Variants in ZNF804A observed in about 807,000 individuals in gnomAD.
The protein encoded by ZNF804A is zinc finger protein 804A.
In ZNF804A, 2 loss-of-function variants were observed where a neutral mutation model predicts 16.5. The observed-to-expected ratio is 0.12, with a 90% CI of 0.05 to 0.38. The LOEUF is 0.38. Ranked by LOEUF, ZNF804A falls within the 10% of genes least tolerant of loss-of-function variation. The pLI is 0.99. For synonymous variants in ZNF804A, 534 were observed against 489.6 expected (o/e 1.09, Z -1.20); for missense variants, 1,473 against 1,390.7 (o/e 1.06, Z -0.94).
At chr2:184,815,401 A>G (rs1239992580) in intron 1 of ZNF804A, among the ~76,000 whole-genome samples, 3 of 151,892 alleles carry the variant, frequency 2.0e-5, no homozygotes, top group African/African-American at 7.2e-5. Context: ...AAATAAATAA[A>G]TTATATGAGG....
chr2:184,707,572 A>G (rs977519803), intron 1 of ZNF804A, among the ~76,000 whole-genome samples: 6 of 152,122 alleles, frequency 3.9e-5, no homozygotes, highest in African/African-American at 1.4e-4. Flanking sequence ...TTATTTGCTT[A>G]GGTTAATGGC....
At chr2:184,912,580 G>A (rs926390422) in intron 2 of ZNF804A, among the ~76,000 whole-genome samples, 31 of 151,970 alleles carry the variant, frequency 2.0e-4, no homozygotes, top group African/African-American at 2.4e-4. Flanking sequence ...ATTAACTAGC[G>A]TTTCAATTTC....
intron 1 of ZNF804A, among the ~76,000 whole-genome samples, chr2:184,845,332 A>T (rs1450717974): frequency 6.6e-6 from 1 of 152,134 alleles, no homozygotes; most frequent in Non-Finnish European, 1.5e-5. Context: ...TCAGTCTTTG[A>T]TAAAGATTAA....
chr2:184,845,909 T>G (rs2105801861), intron 1 of ZNF804A, among the ~76,000 whole-genome samples: 1 of 152,256 alleles, frequency 6.6e-6, no homozygotes, highest in East Asian at 1.9e-4. Flanking sequence ...AGTTCATGAC[T>G]CCAGCAGCTT....
intron 2 of ZNF804A, among the ~76,000 whole-genome samples, chr2:184,897,049 T>C (rs1216963539): frequency 1.3e-5 from 2 of 152,120 alleles, no homozygotes; most frequent in East Asian, 3.9e-4. Context: ...GTACTATCTT[T>C]TTAATATGTG....
At chr2:184,902,145 T>C (rs1317017889) in intron 2 of ZNF804A, 1 of 155,626 alleles carries the variant, frequency 6.4e-6, no homozygotes, top group African/African-American at 2.4e-5. Flanking sequence ...ATCCAAACAA[T>C]CATTGTCAGG....
At chr2:184,808,531 T>C (rs1265194042) in intron 1 of ZNF804A, among the ~76,000 whole-genome samples, 2 of 151,570 alleles carry the variant, frequency 1.3e-5, no homozygotes, top group Admixed American at 6.6e-5. Context: ...GAATAATACA[T>C]ATATGAAATT....
intron 1 of ZNF804A, among the ~76,000 whole-genome samples, chr2:184,840,646 C>A (rs966917564): frequency 5.3e-5 from 8 of 152,026 alleles, no homozygotes; most frequent in Admixed American, 6.6e-5. Context: ...TATTTACTGA[C>A]CCCCTTATTT....
At chr2:184,921,073 GC>G (rs1324707276) in intron 2 of ZNF804A, among the ~76,000 whole-genome samples, 2 of 152,102 alleles carry the variant, frequency 1.3e-5, no homozygotes, top group Admixed American at 6.5e-5. Flanking sequence ...TACCATATTG[GC>G]CTGGTTGGTG....
intron 1 of ZNF804A, among the ~76,000 whole-genome samples, chr2:184,789,043 A>T (rs1310718725): frequency 6.6e-6 from 1 of 152,182 alleles, no homozygotes; most frequent in South Asian, 2.1e-4. Flanking sequence ...GGTTTTTAGC[A>T]TGAAGTGATG....
intron 1 of ZNF804A, among the ~76,000 whole-genome samples, chr2:184,697,852 TC>T: frequency 6.6e-6 from 1 of 152,212 alleles, no homozygotes; most frequent in Non-Finnish European, 1.5e-5. Flanking sequence ...TTTTAAACTA[TC>T]CTCAGTGAAG....
intron 2 of ZNF804A, among the ~76,000 whole-genome samples, chr2:184,923,789 C>T (rs527832841): frequency 2.1e-4 from 32 of 152,076 alleles, no homozygotes; most frequent in Middle Eastern, 6.8e-3. Context: ...AACACTTTTT[C>T]AGCATCATTT....
intron 2 of ZNF804A, among the ~76,000 whole-genome samples, chr2:184,895,065 C>T (rs954323819): frequency 6.6e-6 from 1 of 152,058 alleles, no homozygotes; most frequent in Non-Finnish European, 1.5e-5. Flanking sequence ...GCTTCAATGG[C>T]ACATTGTGGA....
chr2:184,887,309 T>C (rs560434931), intron 2 of ZNF804A, among the ~76,000 whole-genome samples: 2 of 152,360 alleles, frequency 1.3e-5, no homozygotes, highest in African/African-American at 4.8e-5. Context: ...TACATATTGC[T>C]ATCAGCATTT....
intron 1 of ZNF804A, among the ~76,000 whole-genome samples, chr2:184,782,156 A>G (rs1413480641): frequency 5.3e-5 from 8 of 151,716 alleles, no homozygotes; most frequent in Non-Finnish European, 2.9e-5. Context: ...ACTTGGGGTT[A>G]GGACTTCAAC....
chr2:184,895,466 C>T (rs1368368887), intron 2 of ZNF804A, among the ~76,000 whole-genome samples: 3 of 152,052 alleles, frequency 2.0e-5, no homozygotes, highest in Admixed American at 6.6e-5. Flanking sequence ...TTAATAAAAG[C>T]AGAGAGAACA....
intron 1 of ZNF804A, among the ~76,000 whole-genome samples, chr2:184,617,428 T>G (rs17617356): frequency 0.12 from 17,489 of 151,952 alleles, 1,429 homozygotes; most frequent in East Asian, 0.29. Flanking sequence ...TTAAACATCA[T>G]GTAATTTGAA....
chr2:184,916,040 G>A (rs998561417), intron 2 of ZNF804A, among the ~76,000 whole-genome samples: 6 of 152,278 alleles, frequency 3.9e-5, no homozygotes, highest in African/African-American at 1.4e-4. Context: ...TCATTGAAGA[G>A]AGCTAAATTG....
intron 1 of ZNF804A, among the ~76,000 whole-genome samples, chr2:184,660,591 C>T (rs568784888): frequency 6.6e-6 from 1 of 152,188 alleles, no homozygotes; most frequent in African/African-American, 2.4e-5. Context: ...TTAAAAAAAT[C>T]ATTTATTAAT....
Sources: allele counts gnomAD v4.1 joint callset (sites outside exome capture counted in the v4.1 genomes callset), GRCh38; gene constraint gnomAD v4.1.1; transcripts MANE v1.5; gene names NCBI Gene and HGNC (gene_info 2026-07-23, HGNC 2026-07-21).